The following PHF14 variants were observed in gnomAD, a reference collection of about 807,000 sequenced individuals.
The protein encoded by PHF14 is PHD finger protein 14.
In PHF14, 55 loss-of-function variants were observed where a neutral mutation model predicts 117.9. The ratio of observed to expected loss-of-function variants is 0.47; its 90% confidence interval spans 0.38 to 0.58. The LOEUF (loss-of-function observed/expected upper bound fraction) is 0.58, where lower values mean the gene tolerates loss of function less well. Among genes scored for constraint, PHF14 ranks in the 20% least tolerant of loss-of-function variants. PHF14 has a pLI of 0.00. For synonymous variants in PHF14, 409 were observed against 368.6 expected, an observed-to-expected ratio of 1.11 and a Z score of -1.26; for missense variants, 978 against 1,122.2, an observed-to-expected ratio of 0.87 and a Z score of 1.84.
At chr7:10,999,050 C>T (rs1782764083) in intron 4 of PHF14, among the ~76,000 whole-genome samples, 1 of 152,078 alleles carries the variant, frequency 6.6e-6, no homozygotes, top group Admixed American at 6.5e-5. Flanking sequence ...GGGTTTTTTG[C>T]TGTTGTTGTT....
intron 16 of PHF14, chr7:11,102,785 G>A (rs1054655966): frequency 7.4e-7 from 1 of 1,356,810 alleles, no homozygotes. Context: ...GCACTTATCA[G>A]AAATATTTGA....
chr7:11,024,222 G>A (rs1203828668), intron 6 of PHF14, among the ~76,000 whole-genome samples: 1 of 152,140 alleles, frequency 6.6e-6, no homozygotes, highest in Non-Finnish European at 1.5e-5. Flanking sequence ...GGCTGAGAGA[G>A]GTGAGGAAGC....
chr7:11,153,965 G>A (rs35228140), intron 17 of PHF14, among the ~76,000 whole-genome samples: 37,939 of 151,648 alleles, frequency 0.25, 5,280 homozygotes, highest in East Asian at 0.5. Context: ...GTGTGTGTGT[G>A]TGTGTGTTTT....
At chr7:11,016,475 A>C (rs1404011975) in intron 5 of PHF14, among the ~76,000 whole-genome samples, 2 of 152,184 alleles carry the variant, frequency 1.3e-5, no homozygotes, top group African/African-American at 4.8e-5. Context: ...ATGTGATTTA[A>C]TGTAAGAAAA....
chr7:11,142,044 G>C (rs1788415941), intron 17 of PHF14, among the ~76,000 whole-genome samples: 2 of 151,910 alleles, frequency 1.3e-5, no homozygotes, highest in Non-Finnish European at 2.9e-5. Context: ...TTTTAGATTG[G>C]GGTTTTTTAA....
intron 17 of PHF14, among the ~76,000 whole-genome samples, chr7:11,151,411 T>C (rs1264685795): frequency 6.6e-6 from 1 of 151,850 alleles, no homozygotes; most frequent in Non-Finnish European, 1.5e-5. Flanking sequence ...AAAAACAAAT[T>C]AGCTGGTTGT....
At chr7:11,073,458 A>G (rs988745695) in intron 16 of PHF14, among the ~76,000 whole-genome samples, 2 of 152,254 alleles carry the variant, frequency 1.3e-5, no homozygotes, top group Non-Finnish European at 2.9e-5. Flanking sequence ...GCACACTAGT[A>G]CAATGGGTGG....
At chr7:11,162,676 G>C (rs1033560059) in intron 17 of PHF14, among the ~76,000 whole-genome samples, 2 of 151,062 alleles carry the variant, frequency 1.3e-5, no homozygotes, top group Admixed American at 1.3e-4. Context: ...CTTGATCCCA[G>C]GTCATACATG....
In PHF14 at chr7:10,975,653, GTTTAA is replaced by G. The variant is rs1028776941; in HGVS notation, c.112+714_112+718del. On this transcript the variant is annotated intron_variant, in intron 2 of 17. Coordinates refer to ENST00000634607, the MANE Select transcript of PHF14 (RefSeq NM_001007157.2). ...AAGGAATCTGAGAAACAAAAATTAT[GTTTAA>G]TTTAAATGTTTTATGGGAAAAATAC... Among the ~76,000 whole-genome samples the G allele has an allele frequency of 9.9e-5, 15 of 152,160 alleles. No individual in the cohort carries two copies. In the East Asian group the frequency reaches 2.1e-3, roughly 21 times the overall value.
rs370134131 is a variant in PHF14 at position 10,982,952 on chromosome 7, A to G, written c.693A>G (p.Gly231=). Residue 231 remains glycine, a synonymous_variant, in exon 3 of 18, where the codon GGA becomes GGG. Transcript: ENST00000634607. ...GGAGATCTGCGTCTCAGAAAGAGGG[A>G]AGTGATGGAGACAATGAGGATGATG... ...RKGRSASQKE[G]SDGDNEDDED... 2.3e-5 allele frequency: 37 copies of G among 1,599,008 alleles called. No individual in the cohort carries two copies. In the African/African-American group the frequency reaches 4.4e-4, roughly 19 times the overall value.
intron 16 of PHF14, among the ~76,000 whole-genome samples, chr7:11,091,203 C>T (rs2906552): frequency 0.47 from 71,959 of 151,780 alleles, 17,638 homozygotes; most frequent in East Asian, 0.85. Context: ...AGAAAGATCT[C>T]GGAAACATAA....
intron 11 of PHF14, among the ~76,000 whole-genome samples, chr7:11,039,258 G>T (rs1451404681): frequency 5.3e-5 from 8 of 150,404 alleles, no homozygotes; most frequent in African/African-American, 2.0e-4. Flanking sequence ...TTCTTTGGAT[G>T]TATAATTTAA....
intron 5 of PHF14, 82 bp downstream of exon 5, chr7:11,013,988 T>C: frequency 1.2e-6 from 1 of 849,140 alleles, no homozygotes; most frequent in African/African-American, 1.7e-5. Context: ...TGTTTATGAT[T>C]ACACACTTTC....
chr7:11,021,624 G>A (rs1041234706), intron 5 of PHF14, among the ~76,000 whole-genome samples: 3 of 152,020 alleles, frequency 2.0e-5, no homozygotes, highest in Admixed American at 6.5e-5. Context: ...AGAGTATAGC[G>A]ACATTTAATA....
chr7:11,074,023 T>C (rs1785724759), intron 16 of PHF14, among the ~76,000 whole-genome samples: 1 of 152,098 alleles, frequency 6.6e-6, no homozygotes, highest in Non-Finnish European at 1.5e-5. Context: ...TGTTATTTTC[T>C]CTTAGACCTC....
At position 11,042,808 on chromosome 7, in the gene PHF14, G is replaced by A; in HGVS notation, c.2306G>A (p.Ser769Asn). 1.9e-6 allele frequency: 3 copies of A among 1,571,172 alleles called. No individual in the cohort carries two copies. Among genetic ancestry groups the A allele is most frequent in the Non-Finnish European group, 2.6e-6 (3 of 1,154,186 alleles). The change falls in exon 13 of 18, where the codon AGT (serine) becomes AAT (asparagine). Residue 769 changes from serine (S) to asparagine (N), a missense_variant. Around this residue, in one of 7 missense-constraint regions of PHF14, gnomAD observed 17 missense variants for 52.9 expected, o/e 0.32. Coordinates refer to ENST00000634607, the MANE Select transcript of PHF14 (RefSeq NM_001007157.2). ...LTRMPRKTKNSYWQCSECDQA... is the reference protein window; with the variant it reads ...LTRMPRKTKNNYWQCSECDQA... ...AGGATGCCAAGAAAGACCAAAAACA[G>A]TTATTGGTGAGTAAAATAGAGGAGA... is the stretch of plus-strand genomic sequence containing the variant.
At chr7:11,092,797 T>TA (rs1442511245) in intron 16 of PHF14, among the ~76,000 whole-genome samples, 1 of 152,146 alleles carries the variant, frequency 6.6e-6, no homozygotes, top group Non-Finnish European at 1.5e-5. Context: ...AGGGAGGAGA[T>TA]ACAGTTGTCT....
intron 17 of PHF14, among the ~76,000 whole-genome samples, chr7:11,137,587 AT>A (rs1788258795): frequency 7.1e-6 from 1 of 140,710 alleles, no homozygotes; most frequent in African/African-American, 2.6e-5. Flanking sequence ...TAACTTAAAA[AT>A]TCTTTTTTTT....
intron 7 of PHF14, among the ~76,000 whole-genome samples, chr7:11,030,169 T>A (rs1784073790): frequency 6.6e-6 from 1 of 150,820 alleles, no homozygotes; most frequent in African/African-American, 2.4e-5. Flanking sequence ...TAGGTAGACA[T>A]AGAGTTATAA....
Sources: allele counts gnomAD v4.1 joint callset (sites outside exome capture counted in the v4.1 genomes callset), GRCh38; gene constraint gnomAD v4.1.1; regional missense constraint gnomAD v4.1.1; transcripts MANE v1.5; gene names NCBI Gene and HGNC (gene_info 2026-07-23, HGNC 2026-07-21).